PIK3C2B: variants seen among roughly 807,000 people sequenced by gnomAD.
PIK3C2B encodes phosphatidylinositol-4-phosphate 3-kinase catalytic subunit type 2 beta, also known as phosphatidylinositol 4-phosphate 3-kinase C2 domain-containing subunit beta.
PIK3C2B carries 83 observed loss-of-function variants against 184.3 expected under a neutral mutation model. The ratio of observed to expected loss-of-function variants is 0.45; its 90% confidence interval spans 0.38 to 0.54. The LOEUF is 0.54. Among genes scored for constraint, PIK3C2B ranks in the 20% least tolerant of loss-of-function variants. PIK3C2B has a pLI of 0.00. For missense variants in PIK3C2B, 1,736 were observed against 2,113.5 expected (o/e 0.82, Z 3.50); for synonymous variants, 779 against 837.6 (o/e 0.93, Z 1.21).
rs1675577255 is a variant in PIK3C2B, at chr1:204,440,249, C to T, written c.3322G>A (p.Glu1108Lys). The change falls in exon 22 of 33, where the codon GAG (glutamate) becomes AAG (lysine). Residue 1108 changes from glutamate to lysine, a missense_variant. Physicochemically the swap from Glu to Lys is moderately conservative, Grantham distance 56. Around this residue, in one of 8 missense-constraint regions of PIK3C2B, gnomAD observed 289 missense variants for 380.4 expected, o/e 0.76. Coordinates refer to ENST00000684373, the MANE Select transcript of PIK3C2B (RefSeq NM_001377334.1). The stretch of plus-strand genomic sequence containing the variant: ...ATGACCATGCGCATGTCCAGCCCCT[C>T]CTGGACCCAGATCTTGCTCATGATG... ...IRIMSKIWVQ[E>K]GLDMRMVIFR... The T allele has an allele frequency of 8.7e-6, 14 of 1,611,964 alleles. No homozygotes were observed. The highest frequency in any genetic ancestry group is 1.2e-5 in the Non-Finnish European group (14 of 1,178,864).
At chr1:204,476,342 C>A (rs367962031) in intron 1 of PIK3C2B, among the ~76,000 whole-genome samples, 26 of 151,900 alleles carry the variant, frequency 1.7e-4, no homozygotes, top group African/African-American at 6.0e-4. Flanking sequence ...GAAGCCGAGG[C>A]GGGGGGATTG....
intron 1 of PIK3C2B, among the ~76,000 whole-genome samples, chr1:204,488,177 G>A (rs7554081): frequency 3.9e-5 from 6 of 152,184 alleles, no homozygotes; most frequent in African/African-American, 1.4e-4. Flanking sequence ...CAAGTAATCT[G>A]GCTCCAAAGC....
chr1:204,460,281 C>A (rs371910615), intron 7 of PIK3C2B, 43 bp downstream of exon 7: 2 of 1,463,924 alleles, frequency 1.4e-6, no homozygotes, highest in African/African-American at 2.8e-5. Flanking sequence ...GATCCCTGCA[C>A]AGTTCTTGTT....
chr1:204,460,746 T>TA, intron 5 of PIK3C2B, 85 bp from the exon 6 acceptor site: 1 of 869,436 alleles, frequency 1.2e-6, no homozygotes, highest in Non-Finnish European at 1.9e-6. Flanking sequence ...GGGAGAGACA[T>TA]ACAGAAAGAA....
chr1:204,443,583 C>T lies in PIK3C2B; in HGVS notation c.2882G>A (p.Gly961Asp). The T allele has an allele frequency of 6.2e-7, 1 of 1,614,176 alleles. No homozygotes were observed. Among genetic ancestry groups the T allele is most frequent in the Non-Finnish European group, 8.5e-7 (1 of 1,179,988 alleles). Reference sequence around the variant, plus strand: ...GATGCTGAACTGAGAGTCCTTGAGGCCGTCCTTCAGTAACCTGCAAGGCAG... The same window carrying T: ...GATGCTGAACTGAGAGTCCTTGAGGTCGTCCTTCAGTAACCTGCAAGGCAG... Reference protein sequence around the residue: ...THYFFWLLKDGLKDSQFSIRY... With the variant: ...THYFFWLLKDDLKDSQFSIRY... Residue 961 changes from glycine to aspartate, a missense_variant, in exon 19 of 33, where the codon GGC (glycine) becomes GAC (aspartate). By Grantham distance (94) the Gly-to-Asp change is moderately conservative. Transcript: ENST00000684373.
At chr1:204,454,491 A>C (rs1284819557) in intron 12 of PIK3C2B, 178 bp downstream of exon 12, 12 of 570,572 alleles carry the variant, frequency 2.1e-5, no homozygotes, top group Non-Finnish European at 3.5e-5. Flanking sequence ...CAAAAAAAAA[A>C]AAAAAAAAAG....
intron 16 of PIK3C2B, among the ~76,000 whole-genome samples, chr1:204,445,722 G>C (rs2103484901): frequency 6.6e-6 from 1 of 152,254 alleles, no homozygotes; most frequent in Admixed American, 6.5e-5. Context: ...CTAGGTGGTA[G>C]GCACATGGGT....
Position 204,448,898 on chromosome 1 carries a change from A to G in PIK3C2B, c.2346+287T>C, listed in dbSNP as rs1451447554. ...TCAGACTTAGACGTATGAAGATTCA[A>G]TACAAGGGACTCAGAAGCTGAGCCC... On this transcript the variant is annotated intron_variant, in intron 14 of 32. Coordinates refer to ENST00000684373, the MANE Select transcript of PIK3C2B (RefSeq NM_001377334.1). Among the ~76,000 whole-genome samples the G allele has an allele frequency of 5.3e-5, 8 of 152,184 alleles. No homozygotes were observed. In the East Asian group the frequency reaches 1.5e-3, roughly 29 times the overall value.
At chr1:204,434,250 C>T (rs917984818) in intron 24 of PIK3C2B, among the ~76,000 whole-genome samples, 189 bp downstream of exon 24, 3 of 152,224 alleles carry the variant, frequency 2.0e-5, no homozygotes, top group South Asian at 2.1e-4. Flanking sequence ...AGCTGGTCCC[C>T]GCATTCTTCT....
Position 204,433,384 on chromosome 1 carries a change from G to A in PIK3C2B, c.3885C>T (p.Asp1295=). Residue 1295 remains aspartate, a synonymous_variant, in exon 26 of 33, where the codon GAC becomes GAT. Coordinates refer to ENST00000684373, the MANE Select transcript of PIK3C2B (RefSeq NM_001377334.1). This position sits in a 1 kb window ranked among gnomAD's most constrained non-coding sequence, Gnocchi z 5.0. ...CGIPELSDLE[D]LKYVYDALRP... The stretch of plus-strand genomic sequence containing the variant: ...TCAGGGCATCGTACACATACTTGAG[G>A]TCCTCCAGGTCTGAGAGTTCAGGGA... 6.2e-7 allele frequency: 1 copy of A among 1,612,288 alleles called. No individual in the cohort carries two copies. The highest frequency in any genetic ancestry group is 1.1e-5 in the South Asian group (1 of 91,040).
In PIK3C2B at chr1:204,424,047, T is replaced by A. The variant is rs1334929768; in HGVS notation, c.*805A>T. 1 of 152,768 alleles carries A rather than the reference T, an allele frequency of 6.5e-6. No individual in the cohort carries two copies. Among genetic ancestry groups the A allele is most frequent in the East Asian group, 1.9e-4 (1 of 5,194 alleles). The allele number at this position is 152,768 out of a possible 1,614,324, so 9.5% of individuals were successfully genotyped here. On this transcript the variant is annotated 3_prime_UTR_variant, in exon 33 of 33. Transcript: ENST00000684373. ...AAATGGTATTCAGGGCAAGTCCTAATAAAGTAGGGAAGACAAGAGGAAAAG... is the reference window on the plus strand; with the variant it reads ...AAATGGTATTCAGGGCAAGTCCTAAAAAAGTAGGGAAGACAAGAGGAAAAG...
intron 30 of PIK3C2B, 137 bp from the exon 31 acceptor site, chr1:204,427,891 T>G (rs1359539623): frequency 1.5e-6 from 1 of 679,738 alleles, no homozygotes; most frequent in Non-Finnish European, 2.6e-6. Flanking sequence ...GTAGTCTGAA[T>G]GTGATTAGAG....
intron 1 of PIK3C2B, among the ~76,000 whole-genome samples, chr1:204,477,054 A>C (rs1369682408): frequency 6.6e-6 from 1 of 152,124 alleles, no homozygotes; most frequent in Non-Finnish European, 1.5e-5. Context: ...GCCTCTAAAA[A>C]CTTCAGCCTG....
At chr1:204,452,222 G>A (rs1487144842) in intron 12 of PIK3C2B, among the ~76,000 whole-genome samples, 1 of 148,356 alleles carries the variant, frequency 6.7e-6, no homozygotes, top group African/African-American at 2.5e-5. Context: ...CTCTGATACT[G>A]TATGAGTAAA....
Position 204,427,752 on chromosome 1 carries a change from C to T in PIK3C2B, c.4483G>A (p.Gly1495Ser). ...TTTCCGACGGGCCGGGCCCATGTGC[C>T]ATCTGTAGGGACAAATGAAACCATG... ...GTSPAPKSSD[G>S]TWARPVGKVG... Residue 1495 changes from glycine to serine, a missense_variant and splice_region_variant, in exon 31 of 33, where the codon GGC (glycine) becomes AGC (serine). This residue lies in a region of PIK3C2B where 200 missense variants were observed against 199.1 expected (regional missense o/e 1.00). Transcript: ENST00000684373. 6.2e-7 allele frequency: 1 copy of T among 1,610,444 alleles called. No individual in the cohort carries two copies. The highest frequency in any genetic ancestry group is 8.5e-7 in the Non-Finnish European group (1 of 1,176,668).
At chr1:204,470,527 T>G (rs771531377) in intron 1 of PIK3C2B, among the ~76,000 whole-genome samples, 1 of 152,242 alleles carries the variant, frequency 6.6e-6, no homozygotes, top group Non-Finnish European at 1.5e-5. Context: ...CCAGTCAATT[T>G]GAAGAGGACA....
At chr1:204,431,620 T>A in intron 28 of PIK3C2B, 49 bp downstream of exon 28, 1 of 1,611,242 alleles carries the variant, frequency 6.2e-7, no homozygotes, top group Non-Finnish European at 8.5e-7. Flanking sequence ...CCCGTATCCT[T>A]TCCCCCTCCC....
At chr1:204,446,597 T>C (rs538105478) in intron 15 of PIK3C2B, among the ~76,000 whole-genome samples, 1 of 152,216 alleles carries the variant, frequency 6.6e-6, no homozygotes, top group African/African-American at 2.4e-5. Context: ...GGGTCTGTGC[T>C]GCTGAGAGGC....
At position 204,469,270 on chromosome 1, in the gene PIK3C2B, G is replaced by A. The variant is rs763754201; in HGVS notation, c.533C>T (p.Pro178Leu). Reference sequence around the variant, plus strand: ...GGGCTGGGAGATCTTGGAGGATGAGGGGGACCCCTTTCTGGGAGGCAGGGG... The same window carrying A: ...GGGCTGGGAGATCTTGGAGGATGAGAGGGACCCCTTTCTGGGAGGCAGGGG... ...TPPLPPRKGS[P>L]SSSKISQPSD... The change falls in exon 2 of 33, where the codon CCC becomes CTC. Residue 178 changes from proline (P) to leucine (L), a missense_variant. Physicochemically the swap from Pro to Leu is moderately conservative, Grantham distance 98. Transcript: ENST00000684373. 3 of 1,556,168 alleles carry A rather than the reference G, an allele frequency of 1.9e-6. No homozygotes were observed. In the East Asian group the frequency reaches 6.8e-5, roughly 35 times the overall value.
Sources: gnomAD v4.1 joint callset for allele counts (sites outside exome capture counted in the v4.1 genomes callset) on GRCh38, gnomAD v4.1.1 for gene constraint, gnomAD v4.1.1 regional missense constraint, Gnocchi (gnomAD v3.1) non-coding constraint, MANE v1.5 for transcripts, NCBI Gene and HGNC (gene_info 2026-07-23, HGNC 2026-07-21) for gene names.